TC2N: variants seen among roughly 807,000 people sequenced by gnomAD.
TC2N encodes tandem C2 domains nuclear protein.
A neutral mutation model predicts 61.9 loss-of-function variants in TC2N; 51 were observed. That is an observed-to-expected ratio of 0.82 (90% CI 0.66 to 1.04). The LOEUF is 1.04. Ranked by LOEUF, TC2N falls within the 50% of genes least tolerant of loss-of-function variation. The pLI is 0.00. For missense variants in TC2N, 556 were observed against 566.7 expected (o/e 0.98, Z 0.19); for synonymous variants, 204 against 192.6 (o/e 1.06, Z -0.49).
At chr14:91,819,933 A>G (rs1315656138) in intron 1 of TC2N, among the ~76,000 whole-genome samples, 1 of 152,090 alleles carries the variant, frequency 6.6e-6, no homozygotes, top group African/African-American at 2.4e-5. Context: ...AGGAGATAAA[A>G]TGGAATAATT....
chr14:91,783,283 C>T (rs2139816613), intron 11 of TC2N, 73 bp from the exon 12 acceptor site: 1 of 773,404 alleles, frequency 1.3e-6, no homozygotes, highest in African/African-American at 1.8e-5. Context: ...GTTAGTTACT[C>T]TTACTGATGG....
chr14:91,815,126 A>G (rs1037450552), intron 1 of TC2N, among the ~76,000 whole-genome samples: 3 of 151,704 alleles, frequency 2.0e-5, no homozygotes, highest in Non-Finnish European at 4.4e-5. Context: ...AGTATCTTAA[A>G]GGAAAGTTTA....
intron 1 of TC2N, among the ~76,000 whole-genome samples, chr14:91,849,120 G>A (rs1888324232): frequency 6.6e-6 from 1 of 152,152 alleles, no homozygotes; most frequent in African/African-American, 2.4e-5. Flanking sequence ...TGTGAATTAA[G>A]TGTAGGAGAC....
intron 1 of TC2N, among the ~76,000 whole-genome samples, chr14:91,853,635 T>C (rs1345476927): frequency 6.9e-6 from 1 of 144,484 alleles, no homozygotes; most frequent in Non-Finnish European, 1.5e-5. Flanking sequence ...TTGGATTTTT[T>C]TTTTTTTTTA....
At chr14:91,802,744 T>TGG (rs58734552) in intron 3 of TC2N, among the ~76,000 whole-genome samples, 7,848 of 150,038 alleles carry the variant, frequency 0.052, 615 homozygotes, top group African/African-American at 0.17. Flanking sequence ...ATTACAAGAT[T>TGG]GGGGGGGGAG....
chr14:91,799,891 G>A (rs981675389), intron 5 of TC2N, among the ~76,000 whole-genome samples: 3 of 151,954 alleles, frequency 2.0e-5, no homozygotes, highest in Non-Finnish European at 4.4e-5. Flanking sequence ...AAACCAGGAG[G>A]ATGCAGTGTT....
At chr14:91,854,746 G>A (rs1448644735) in intron 1 of TC2N, among the ~76,000 whole-genome samples, 6 of 152,046 alleles carry the variant, frequency 3.9e-5, no homozygotes, top group South Asian at 2.1e-4. Context: ...ACTGACAGAC[G>A]GACAGGTCCC....
intron 3 of TC2N, among the ~76,000 whole-genome samples, chr14:91,805,548 C>A (rs1886470387): frequency 6.6e-6 from 1 of 152,028 alleles, no homozygotes; most frequent in Non-Finnish European, 1.5e-5. Context: ...GCCTGTAGTC[C>A]CAGCTACTTG....
chr14:91,865,013 C>A (rs1888667227), intron 1 of TC2N, among the ~76,000 whole-genome samples: 1 of 151,992 alleles, frequency 6.6e-6, no homozygotes, highest in Non-Finnish European at 1.5e-5. Context: ...CTCCTGGCCT[C>A]AAGTGATCTG....
chr14:91,786,057 A>G (rs1469694254), intron 10 of TC2N, among the ~76,000 whole-genome samples: 1 of 152,028 alleles, frequency 6.6e-6, no homozygotes, highest in Non-Finnish European at 1.5e-5. Context: ...ATTGGAGGTG[A>G]CAGAGCTGGG....
chr14:91,812,203 A>G (rs1340400799), intron 3 of TC2N, 109 bp downstream of exon 3: 1 of 544,978 alleles, frequency 1.8e-6, no homozygotes, highest in Non-Finnish European at 2.8e-6. Context: ...AAATATAAAA[A>G]GTAAAATAAA....
chr14:91,850,512 C>T (rs1888353850), intron 1 of TC2N, among the ~76,000 whole-genome samples: 1 of 152,246 alleles, frequency 6.6e-6, no homozygotes, highest in Non-Finnish European at 1.5e-5. Flanking sequence ...AGCCTCTCCC[C>T]ATCACTCATA....
intron 1 of TC2N, among the ~76,000 whole-genome samples, chr14:91,852,932 G>T (rs565529408): frequency 2.6e-5 from 4 of 152,172 alleles, no homozygotes; most frequent in African/African-American, 9.6e-5. Flanking sequence ...TTAGCCAGGC[G>T]TGGTGGTGGG....
chr14:91,804,367 T>G (rs1433110605), intron 3 of TC2N, among the ~76,000 whole-genome samples: 1 of 152,198 alleles, frequency 6.6e-6, no homozygotes, highest in African/African-American at 2.4e-5. Flanking sequence ...CTTGTACATG[T>G]GCACCAAGAG....
At chr14:91,851,418 GGTTGTTC>G (rs1410067179) in intron 1 of TC2N, among the ~76,000 whole-genome samples, 1 of 152,136 alleles carries the variant, frequency 6.6e-6, no homozygotes, top group East Asian at 1.9e-4. Context: ...ACCTTTCTTT[GGTTGTTC>G]TCCCTCTGTG....
intron 3 of TC2N, among the ~76,000 whole-genome samples, chr14:91,805,406 C>T (rs369481978): frequency 5.3e-5 from 8 of 152,250 alleles, no homozygotes; most frequent in African/African-American, 1.4e-4. Flanking sequence ...TGGCGGCTTA[C>T]GCCTGTAATC....
chr14:91,851,522 C>G (rs115805054), intron 1 of TC2N, among the ~76,000 whole-genome samples: 2 of 152,030 alleles, frequency 1.3e-5, no homozygotes, highest in East Asian at 3.9e-4. Flanking sequence ...GTTGCCGTAG[C>G]GTCGGAATGA....
At chr14:91,834,914 AC>A (rs941503860) in intron 1 of TC2N, among the ~76,000 whole-genome samples, 2 of 152,146 alleles carry the variant, frequency 1.3e-5, no homozygotes, top group African/African-American at 4.8e-5. Context: ...AGGATTAACC[AC>A]CACAAATCCA....
chr14:91,793,280 C>G (rs1240036437), intron 8 of TC2N, among the ~76,000 whole-genome samples: 1 of 152,186 alleles, frequency 6.6e-6, no homozygotes, highest in South Asian at 2.1e-4. Context: ...CTAGACGGTT[C>G]TTTGCCATAC....
Sources: gnomAD v4.1 joint callset for allele counts (sites outside exome capture counted in the v4.1 genomes callset) on GRCh38, gnomAD v4.1.1 for gene constraint, MANE v1.5 for transcripts, NCBI Gene and HGNC (gene_info 2026-07-23, HGNC 2026-07-21) for gene names.